Variants in SEC16B observed in about 807,000 individuals in gnomAD.
SEC16B encodes protein transport protein Sec16B.
SEC16B carries 115 observed loss-of-function variants against 141.8 expected under a neutral mutation model. That is an observed-to-expected ratio of 0.81 (90% CI 0.70 to 0.95). The LOEUF (loss-of-function observed/expected upper bound fraction) is 0.95. Ranked by LOEUF, SEC16B falls within the 40% of genes least tolerant of loss-of-function variation. The pLI is 0.00. For synonymous variants in SEC16B, 493 were observed against 492.5 expected, an observed-to-expected ratio of 1.00 and a Z score of -0.01; for missense variants, 1,291 against 1,312.3, an observed-to-expected ratio of 0.98 and a Z score of 0.25.
At chr1:177,948,381 A>C (rs1313586216) in intron 12 of SEC16B, 1 of 1,304,924 alleles carries the variant, frequency 7.7e-7, no homozygotes, top group Non-Finnish European at 1.0e-6. Context: ...GGCCTGCTTA[A>C]TGTCTTACCA....
intron 19 of SEC16B, 91 bp from the exon 20 acceptor site, chr1:177,936,456 C>G: frequency 2.7e-6 from 3 of 1,129,446 alleles, no homozygotes; most frequent in Non-Finnish European, 3.9e-6. Context: ...AATCAGCTTT[C>G]TTAACTGCAG....
In SEC16B at chr1:177,958,834, A is replaced by C. The variant is rs1268665350; in HGVS notation, c.1134+6T>G. 7 of 1,613,032 alleles carry C rather than the reference A, an allele frequency of 4.3e-6. No individual in the cohort carries two copies. The highest frequency in any genetic ancestry group is 5.9e-6 in the Non-Finnish European group (7 of 1,179,308). On this transcript the variant is annotated splice_donor_region_variant and intron_variant, in intron 9 of 25. Transcript: ENST00000308284. ...GCACCTGCTCTCCCACCAGAACAGA[A>C]CTTACCCCATTCTGGCGACAAAGGA...
intron 8 of SEC16B, chr1:177,959,298 TTC>T (rs1426590025): frequency 2.2e-5 from 8 of 364,060 alleles, no homozygotes; most frequent in South Asian, 1.9e-4. Flanking sequence ...GCTCTGCCAC[TTC>T]TCTGTTTAGA....
Position 177,960,811 on chromosome 1 carries a change from C to T in SEC16B, c.916G>A (p.Val306Ile). Residue 306 changes from valine to isoleucine, a missense_variant, in exon 7 of 26, where the codon GTT (valine) becomes ATT (isoleucine). Physicochemically the swap from Val to Ile is conservative, Grantham distance 29. Transcript: ENST00000308284. ...SSPTDGQAALVELHSMEVILN... is the reference protein window; with the variant it reads ...SSPTDGQAALIELHSMEVILN... ...TTTACCTCCATGCTGTGCAGTTCAA[C>T]AAGGGCTGCTTGCCCGTCAGTGGGA... 1 of 1,610,228 alleles carries T rather than the reference C, an allele frequency of 6.2e-7. No homozygotes were observed. Among genetic ancestry groups the T allele is most frequent in the South Asian group, 1.1e-5 (1 of 90,652 alleles).
At position 177,951,959 on chromosome 1, in the gene SEC16B, C is replaced by G; in HGVS notation, c.1500G>C (p.Gln500His). The G allele has an allele frequency of 1.9e-6, 3 of 1,607,354 alleles. No homozygotes were observed. Among genetic ancestry groups the G allele is most frequent in the Middle Eastern group, 1.7e-4 (1 of 6,054 alleles). The part of the protein sequence containing the change: ...TSTLALNDPL[Q>H]TLFQLMSGRI... The stretch of plus-strand genomic sequence containing the variant: ...TCCCCGACATGAGCTGGAAGAGGGT[C>G]TGCAGTGGGTCATTGAGCGCCAGCG... The change falls in exon 12 of 26, where the codon CAG (glutamine) becomes CAC (histidine). Residue 500 changes from glutamine to histidine, a missense_variant. Physicochemically the swap from Gln to His is conservative, Grantham distance 24. This residue lies in a region of SEC16B where 681 missense variants were observed against 675.5 expected (regional missense o/e 1.01). Transcript: ENST00000308284.
chr1:177,934,349 A>C (rs1050190111), intron 20 of SEC16B, among the ~76,000 whole-genome samples: 2 of 152,020 alleles, frequency 1.3e-5, no homozygotes, highest in Non-Finnish European at 2.9e-5. Context: ...ATGTCTCTGA[A>C]TTTGCCTATT....
At chr1:177,981,120 A>G (rs1303526589) in intron 1 of SEC16B, among the ~76,000 whole-genome samples, 1 of 152,084 alleles carries the variant, frequency 6.6e-6, no homozygotes, top group Non-Finnish European at 1.5e-5. Flanking sequence ...TAGCAGTTAT[A>G]TGATAAAAGC....
In SEC16B at chr1:177,937,420, C is replaced by A; in HGVS notation, c.2297G>T (p.Cys766Phe). ...SALWLTPEQT[C>F]LLQPSPQQPF... ...CTGCTGTGGGCTGGGCTGGAGCAGG[C>A]AGGTCTGCTCAGGTGTCAGCCACAG... The change falls in exon 19 of 26, where the codon TGC becomes TTC. Residue 766 changes from cysteine (C) to phenylalanine (F), a missense_variant. By Grantham distance (205) the Cys-to-Phe change is radical. Coordinates refer to ENST00000308284, the MANE Select transcript of SEC16B (RefSeq NM_033127.4). The A allele has an allele frequency of 6.2e-7, 1 of 1,607,668 alleles. No homozygotes were observed. The highest frequency in any genetic ancestry group is 8.5e-7 in the Non-Finnish European group (1 of 1,177,186).
chr1:177,932,621 C>A, intron 23 of SEC16B, 52 bp from the exon 24 acceptor site: 2 of 1,501,724 alleles, frequency 1.3e-6, no homozygotes, highest in Non-Finnish European at 8.9e-7. Context: ...TGGGGGTCCC[C>A]ACTCCCAGAA....
intron 14 of SEC16B, among the ~76,000 whole-genome samples, chr1:177,944,982 G>A (rs1014572617): frequency 4.6e-5 from 7 of 152,152 alleles, no homozygotes; most frequent in African/African-American, 1.4e-4. Context: ...AGGCTACCTC[G>A]AAGGACACTG....
chr1:177,953,861 C>T (rs902154073), intron 11 of SEC16B, among the ~76,000 whole-genome samples: 1 of 152,084 alleles, frequency 6.6e-6, no homozygotes, highest in Non-Finnish European at 1.5e-5. Flanking sequence ...CACACCCCCA[C>T]CCTACTCTCA....
intron 12 of SEC16B, chr1:177,948,599 T>C (rs2101942292): frequency 7.7e-7 from 1 of 1,303,986 alleles, no homozygotes; most frequent in Non-Finnish European, 1.0e-6. Flanking sequence ...AAGCCCCGCA[T>C]CAATGGTGTT....
At chr1:177,961,900 A>G (rs1169163115) in intron 5 of SEC16B, among the ~76,000 whole-genome samples, 166 bp from the exon 6 acceptor site, 1 of 152,202 alleles carries the variant, frequency 6.6e-6, no homozygotes, top group Non-Finnish European at 1.5e-5. Context: ...TTATGACCCA[A>G]TGGAAAGAGT....
chr1:177,965,115 C>CTT lies in SEC16B; in HGVS notation c.463_464dup (p.Tyr156SerfsTer119). ...TTTCATAATGATGTTCATCAAGGTACTTTTGCTCTCGGTAATCTTCGTGCC... is the reference window on the plus strand; with the variant it reads ...TTTCATAATGATGTTCATCAAGGTACTTTTTTGCTCTCGGTAATCTTCGTGCC... On this transcript the variant is annotated frameshift_variant, in exon 4 of 26. Coordinates refer to ENST00000308284, the MANE Select transcript of SEC16B (RefSeq NM_033127.4). LOFTEE classifies it high-confidence loss of function. 3.7e-6 allele frequency: 6 copies of CTT among 1,613,618 alleles called. No individual in the cohort carries two copies. The highest frequency in any genetic ancestry group is 5.1e-6 in the Non-Finnish European group (6 of 1,179,758).
Position 177,929,883 on chromosome 1 carries a change from C to T in SEC16B, c.3158G>A (p.Arg1053His), listed in dbSNP as rs747117279. Residue 1053 changes from arginine to histidine, a missense_variant, in exon 26 of 26, where the codon CGT becomes CAT. By Grantham distance (29) the Arg-to-His change is conservative. Around this residue, in one of 3 missense-constraint regions of SEC16B, gnomAD observed 605 missense variants for 614.1 expected, o/e 0.99. Coordinates refer to ENST00000308284, the MANE Select transcript of SEC16B (RefSeq NM_033127.4). Reference sequence around the variant, plus strand: ...TCAGCATGGCTGGGTGGGATAGCGACGCTGAGCTAGGCGATTTGGCCGATT... The same window carrying T: ...TCAGCATGGCTGGGTGGGATAGCGATGCTGAGCTAGGCGATTTGGCCGATT... ...SLNRPNRLAQ[R>H]RYPTQPC 9.9e-6 allele frequency: 16 copies of T among 1,613,752 alleles called. No individual in the cohort carries two copies. Among genetic ancestry groups the T allele is most frequent in the East Asian group, 4.5e-5 (2 of 44,886 alleles).
At chr1:177,946,888 G>A (rs1255049716) in intron 13 of SEC16B, among the ~76,000 whole-genome samples, 1 of 152,210 alleles carries the variant, frequency 6.6e-6, no homozygotes, top group Non-Finnish European at 1.5e-5. Context: ...ACTACTGAGA[G>A]TGGTCGTTCT....
intron 10 of SEC16B, among the ~76,000 whole-genome samples, chr1:177,955,162 G>C (rs929634891): frequency 6.6e-6 from 1 of 152,040 alleles, no homozygotes; most frequent in African/African-American, 2.4e-5. Flanking sequence ...TTCATTGAAT[G>C]CATTTTGAAT....
intron 10 of SEC16B, among the ~76,000 whole-genome samples, chr1:177,956,488 T>C (rs1286174792): frequency 2.0e-5 from 3 of 152,190 alleles, no homozygotes; most frequent in Admixed American, 6.5e-5. Context: ...TCTCTGGATA[T>C]TTCTGAGAGG....
Position 177,961,653 on chromosome 1 carries a change from T to G in SEC16B, c.724A>C (p.Ile242Leu). 1 of 1,613,988 alleles carries G rather than the reference T, an allele frequency of 6.2e-7. No homozygotes were observed. The change falls in exon 6 of 26, where the codon ATC becomes CTC. Residue 242 changes from isoleucine (I) to leucine (L), a missense_variant. By Grantham distance (5) the Ile-to-Leu change is conservative (BLOSUM62 2). Around this residue, in one of 3 missense-constraint regions of SEC16B, gnomAD observed 681 missense variants for 675.5 expected, o/e 1.01. Coordinates refer to ENST00000308284, the MANE Select transcript of SEC16B (RefSeq NM_033127.4). ...TCATCCCGCTCCGGGGCATCTCTGA[T>G]GTACTGACTGAGCTCATAGCTGCTG... is the stretch of plus-strand genomic sequence containing the variant. ...SSSSYELSQY[I>L]RDAPERDDPP...
Sources: gnomAD v4.1 joint callset for allele counts (sites outside exome capture counted in the v4.1 genomes callset) on GRCh38, gnomAD v4.1.1 for gene constraint, gnomAD v4.1.1 regional missense constraint, MANE v1.5 for transcripts, NCBI Gene and HGNC (gene_info 2026-07-23, HGNC 2026-07-21) for gene names.